The following PARVB variants were observed in gnomAD, a reference collection of about 807,000 sequenced individuals.
The protein encoded by PARVB is beta-parvin.
PARVB carries 46 observed loss-of-function variants against 47.0 expected under a neutral mutation model. The observed-to-expected ratio is 0.98, with a 90% CI of 0.77 to 1.25. The LOEUF is 1.25. Ranked by LOEUF, PARVB falls within the 50% of genes most tolerant of loss-of-function variation. The probability of loss-of-function intolerance (pLI) is 0.00; values close to 1 mark genes in which losing one functional copy is unlikely to be tolerated. For missense variants in PARVB, 473 were observed against 471.6 expected, an observed-to-expected ratio of 1.00 and a Z score of -0.03; for synonymous variants, 196 against 196.3, an observed-to-expected ratio of 1.00 and a Z score of 0.01.
At chr22:44,052,814 T>G (rs5764484) in intron 1 of PARVB, among the ~76,000 whole-genome samples, 122,234 of 152,084 alleles carry the variant, frequency 0.8, 49,244 homozygotes, top group East Asian at 0.89. Context: ...GTGTTGGTGC[T>G]CACCTGTAGT....
At chr22:44,001,654 G>A (rs1347892743) in intron 2 of PARVB, among the ~76,000 whole-genome samples, 1 of 152,180 alleles carries the variant, frequency 6.6e-6, no homozygotes, top group Admixed American at 6.5e-5. Flanking sequence ...CAAGCTCATG[G>A]TGCTGGATCC....
intron 4 of PARVB, among the ~76,000 whole-genome samples, chr22:44,122,578 G>A (rs1048200821): frequency 8.3e-6 from 1 of 119,952 alleles, no homozygotes. Flanking sequence ...GAGAGAGAGA[G>A]AGAGAGAGAG....
Position 44,131,608 on chromosome 22 carries a change from G to A in PARVB, c.498G>A (p.Ala166=), listed in dbSNP as rs751109911. 16 of 1,613,600 alleles carry A rather than the reference G, an allele frequency of 9.9e-6. No homozygotes were observed. The highest frequency in any genetic ancestry group is 2.2e-5 in the East Asian group (1 of 44,866). ...VHDLLRPRGW[A]LRWSVDSIHG... ...ACCTGCTGCGGCCCCGAGGCTGGGC[G>A]CTCCGGTGGAGCGTGGACTGTGAGT... The change falls in exon 5 of 13, where the codon GCG becomes GCA. Residue 166 remains alanine, a synonymous_variant. Coordinates refer to ENST00000338758, the MANE Select transcript of PARVB (RefSeq NM_013327.5).
At position 44,119,089 on chromosome 22, in the gene PARVB, A is replaced by C; in HGVS notation, c.325A>C (p.Lys109Gln). The C allele has an allele frequency of 6.2e-7, 1 of 1,614,076 alleles. No individual in the cohort carries two copies. The highest frequency in any genetic ancestry group is 8.5e-7 in the Non-Finnish European group (1 of 1,179,970). The change falls in exon 4 of 13, where the codon AAG (lysine) becomes CAG (glutamine). Residue 109 changes from lysine to glutamine, a missense_variant. By Grantham distance (53) the Lys-to-Gln change is moderately conservative (BLOSUM62 1). Coordinates refer to ENST00000338758, the MANE Select transcript of PARVB (RefSeq NM_013327.5). ...GCTGGTGGAGGAGAGGATCATTGTGAAGCAGCTGGAGGAAGACCTGTATGA... is the reference window on the plus strand; with the variant it reads ...GCTGGTGGAGGAGAGGATCATTGTGCAGCAGCTGGAGGAAGACCTGTATGA... ...DVLVEERIIV[K>Q]QLEEDLYDGQ... is the part of the protein sequence containing the mutation.
chr22:44,086,853 C>T, intron 1 of PARVB: 1 of 984,310 alleles, frequency 1.0e-6, no homozygotes, highest in Non-Finnish European at 1.2e-6. Flanking sequence ...TCATAGAAAG[C>T]TGTCATTTCC....
intron 3 of PARVB, 92 bp downstream of exon 3, chr22:44,100,215 C>T (rs545724260): frequency 1.6e-5 from 16 of 988,050 alleles, no homozygotes; most frequent in African/African-American, 1.1e-4. Flanking sequence ...GAGCTAAACC[C>T]GGGGCTCCTG....
chr22:44,069,267 C>A (rs2051600927), intron 1 of PARVB: 1 of 1,028,444 alleles, frequency 9.7e-7, no homozygotes, highest in Non-Finnish European at 1.5e-6. Context: ...AAGAATGGAC[C>A]CTGGGTGGCT....
Position 44,125,518 on chromosome 22 carries a change from G to A in PARVB, c.377-5969G>A, listed in dbSNP as rs149396603. The stretch of plus-strand genomic sequence containing the variant: ...TCCAGGGAAGCTCCTCTGGGGAGGC[G>A]ACATCTGAGCACATGTCTGCACAGT... On this transcript the variant is annotated intron_variant, in intron 4 of 12. Coordinates refer to ENST00000338758, the MANE Select transcript of PARVB (RefSeq NM_013327.5). This position sits in a 1 kb window ranked among gnomAD's most constrained non-coding sequence, Gnocchi z 4.1. Among the ~76,000 whole-genome samples, 1,509 of 152,306 alleles carry A rather than the reference G, an allele frequency of 9.9e-3. 23 individuals carry two copies. The highest frequency in any genetic ancestry group is 0.034 in the African/African-American group (1,430 of 41,560).
intron 1 of PARVB, among the ~76,000 whole-genome samples, chr22:44,063,807 C>G (rs1307525618): frequency 6.6e-6 from 1 of 152,162 alleles, no homozygotes; most frequent in Non-Finnish European, 1.5e-5. Context: ...TGGGAGATGA[C>G]TTCCTCCAGG....
chr22:44,053,372 G>A (rs568213048), intron 1 of PARVB, among the ~76,000 whole-genome samples: 18 of 151,946 alleles, frequency 1.2e-4, no homozygotes, highest in Admixed American at 7.2e-4. Context: ...ATGAGCCACC[G>A]CGCCCAGCCT....
chr22:44,081,405 C>A (rs573105637), intron 1 of PARVB, among the ~76,000 whole-genome samples: 2 of 152,310 alleles, frequency 1.3e-5, no homozygotes, highest in South Asian at 4.1e-4. Context: ...TTTCCCACAT[C>A]CCCGTTTCCA....
intron 3 of PARVB, 50 bp downstream of exon 3, chr22:44,100,173 G>A: frequency 6.8e-7 from 1 of 1,461,944 alleles, no homozygotes; most frequent in South Asian, 1.1e-5. Context: ...CGAGGACTTG[G>A]CTTTGGGGTT....
chr22:44,060,819 G>T (rs2051404889), intron 1 of PARVB, among the ~76,000 whole-genome samples: 1 of 151,952 alleles, frequency 6.6e-6, no homozygotes, highest in Admixed American at 6.6e-5. Context: ...CTATAAAGTT[G>T]CCACAAACCC....
intron 2 of PARVB, among the ~76,000 whole-genome samples, chr22:44,015,589 C>T (rs535480207): frequency 1.3e-5 from 2 of 152,166 alleles, no homozygotes; most frequent in Non-Finnish European, 2.9e-5. Flanking sequence ...GAGGCTGGGG[C>T]GGGCAGATCA....
chr22:44,048,060 C>A (rs2051144890), intron 1 of PARVB, among the ~76,000 whole-genome samples: 1 of 152,132 alleles, frequency 6.6e-6, no homozygotes, highest in Non-Finnish European at 1.5e-5. Flanking sequence ...GATGGGGCAG[C>A]TTTGCAGTTG....
chr22:44,131,789 G>T (rs894085359), intron 5 of PARVB, among the ~76,000 whole-genome samples, 162 bp downstream of exon 5: 1 of 152,190 alleles, frequency 6.6e-6, no homozygotes, highest in African/African-American at 2.4e-5. Context: ...CATTGCAGGG[G>T]AGAAGAACAG....
Position 44,136,532 on chromosome 22 carries a change from T to C in PARVB, c.692+14T>C, listed in dbSNP as rs759224360. ...CACAACTACAGAGTAAGTGGACCCC[T>C]GTCTTGCCCTTCCAGGCCCTGCTGC... On this transcript the variant is annotated intron_variant, in intron 7 of 12. Coordinates refer to ENST00000338758, the MANE Select transcript of PARVB (RefSeq NM_013327.5). 3.1e-6 allele frequency: 5 copies of C among 1,612,096 alleles called. No homozygotes were observed. In the South Asian group the frequency reaches 3.3e-5, roughly 11 times the overall value.
chr22:44,073,714 A>G (rs2051704537), intron 1 of PARVB, among the ~76,000 whole-genome samples: 2 of 152,172 alleles, frequency 1.3e-5, no homozygotes, highest in Admixed American at 6.5e-5. Context: ...TGCTTGGAGA[A>G]AGCAGAGGAG....
chr22:44,094,405 G>C (rs738481), intron 2 of PARVB, among the ~76,000 whole-genome samples: 90,674 of 151,556 alleles, frequency 0.6, 27,453 homozygotes, highest in East Asian at 0.86. Context: ...CCACACCATA[G>C]CACACCATGC....
Sources: gnomAD v4.1 joint callset for allele counts (sites outside exome capture counted in the v4.1 genomes callset) on GRCh38, gnomAD v4.1.1 for gene constraint, Gnocchi (gnomAD v3.1) non-coding constraint, MANE v1.5 for transcripts, NCBI Gene and HGNC (gene_info 2026-07-23, HGNC 2026-07-21) for gene names.